DCBLD1: variants seen among roughly 807,000 people sequenced by gnomAD.
DCBLD1 encodes discoidin, CUB and LCCL domain-containing protein 1.
A neutral mutation model predicts 71.5 loss-of-function variants in DCBLD1; 57 were observed. The ratio of observed to expected loss-of-function variants is 0.80; its 90% confidence interval spans 0.64 to 0.99. The LOEUF is 0.99. DCBLD1 is among the 50% of genes least tolerant of loss of function. The probability of loss-of-function intolerance (pLI) is 0.00; values close to 1 mark genes in which losing one functional copy is unlikely to be tolerated. For missense variants in DCBLD1, 891 were observed against 923.5 expected, an observed-to-expected ratio of 0.96 and a Z score of 0.46; for synonymous variants, 380 against 363.8, an observed-to-expected ratio of 1.04 and a Z score of -0.51.
chr6:117,492,506 G>A (rs532621496), intron 1 of DCBLD1, among the ~76,000 whole-genome samples: 2 of 152,128 alleles, frequency 1.3e-5, no homozygotes, highest in Non-Finnish European at 2.9e-5. Context: ...AAGTCATAGG[G>A]GAACACAGTT....
downstream of DCBLD1, among the ~76,000 whole-genome samples, chr6:117,553,451 T>A (rs946582855): frequency 6.6e-6 from 1 of 152,120 alleles, no homozygotes; most frequent in Non-Finnish European, 1.5e-5. Context: ...TTCCTTTATC[T>A]TCTTCTTCCT....
At position 117,539,264 on chromosome 6, in the gene DCBLD1, C is replaced by T. The variant is rs1433663022; in HGVS notation, c.986C>T (p.Thr329Ile). 1 of 1,582,232 alleles carries T rather than the reference C, an allele frequency of 6.3e-7. No individual in the cohort carries two copies. The highest frequency in any genetic ancestry group is 1.2e-5 in the South Asian group (1 of 84,706). Residue 329 changes from threonine (T) to isoleucine (I), a missense_variant, in exon 9 of 15, where the codon ACC becomes ATC. By Grantham distance (89) the Thr-to-Ile change is moderately conservative. Coordinates refer to ENST00000338728, the MANE Select transcript of DCBLD1 (RefSeq NM_001366458.2). ...ATTATTTTCTTACAAGGAATTAGGA[C>T]CACAGGATCTACACAGTCGAACTTC... ...GEKKKITGIRTTGSTQSNFNF... is the reference protein window; with the variant it reads ...GEKKKITGIRITGSTQSNFNF...
At chr6:117,539,430 A>T in intron 9 of DCBLD1, 51 bp downstream of exon 9, 13 of 1,529,088 alleles carry the variant, frequency 8.5e-6, no homozygotes, top group Non-Finnish European at 1.0e-5. Flanking sequence ...ACAGGCCTCT[A>T]TATATTTTCA....
At chr6:117,504,129 AT>A in intron 2 of DCBLD1, 150 bp downstream of exon 2, 1 of 825,144 alleles carries the variant, frequency 1.2e-6, no homozygotes, top group Non-Finnish European at 1.9e-6. Context: ...AGAAGGATAC[AT>A]TTGCTTCATA....
At chr6:117,553,228 C>T (rs1164676586), downstream of DCBLD1, among the ~76,000 whole-genome samples, 1 of 152,192 alleles carries the variant, frequency 6.6e-6, no homozygotes, top group Non-Finnish European at 1.5e-5. Context: ...TCACACTCTC[C>T]CTTACTCTGA....
intron 6 of DCBLD1, among the ~76,000 whole-genome samples, chr6:117,532,817 G>A (rs367998405): frequency 1.3e-5 from 2 of 152,284 alleles, no homozygotes; most frequent in Middle Eastern, 3.4e-3. Context: ...TGATGAGTTT[G>A]GGAAGTGAAG....
downstream of DCBLD1, among the ~76,000 whole-genome samples, chr6:117,553,708 C>CA (rs1312747705): frequency 1.3e-5 from 2 of 152,144 alleles, no homozygotes; most frequent in African/African-American, 4.8e-5. Flanking sequence ...TGCATCCTTT[C>CA]AGGGGATTTT....
At chr6:117,563,834 A>C (rs1321958351) in intron 14 of DCBLD1, among the ~76,000 whole-genome samples, 1 of 152,152 alleles carries the variant, frequency 6.6e-6, no homozygotes, top group East Asian at 1.9e-4. Flanking sequence ...ATAATGCCTT[A>C]TATTAATCAA....
At chr6:117,569,083 A>G (rs1171873351) in intron 14 of DCBLD1, among the ~76,000 whole-genome samples, 2 of 152,184 alleles carry the variant, frequency 1.3e-5, no homozygotes, top group African/African-American at 4.8e-5. Flanking sequence ...AAATCCTTTC[A>G]TCGCTAAGAA....
chr6:117,563,444 A>ATTGC, intron 14 of DCBLD1: 1 of 1,541,892 alleles, frequency 6.5e-7, no homozygotes. Context: ...GGTTTTGGTC[A>ATTGC]GGTGCAGTGG....
chr6:117,524,390 G>C (rs746545912), intron 4 of DCBLD1, among the ~76,000 whole-genome samples: 2 of 152,014 alleles, frequency 1.3e-5, no homozygotes, highest in Non-Finnish European at 2.9e-5. Context: ...TTTTAGTAGA[G>C]ATGGGGTTTC....
chr6:117,548,579 AT>A lies in DCBLD1; in HGVS notation c.*141del. 6.9e-7 allele frequency: 1 copy of A among 1,456,860 alleles called. No individual in the cohort carries two copies. Among genetic ancestry groups the A allele is most frequent in the Non-Finnish European group, 9.0e-7 (1 of 1,109,730 alleles). 90.2% of individuals were successfully genotyped at this position (1,456,860 alleles called of 1,614,324 possible). Reference sequence around the variant, plus strand: ...GCATGTGTGTGTGTGATCCAGTAGGATCCTAGAGACAACCTGTCATACTGTT... The same window carrying A: ...GCATGTGTGTGTGTGATCCAGTAGGACCTAGAGACAACCTGTCATACTGTT... On this transcript the variant is annotated 3_prime_UTR_variant, in exon 15 of 15. Transcript: ENST00000338728.
intron 2 of DCBLD1, among the ~76,000 whole-genome samples, chr6:117,508,522 A>G (rs1404705393): frequency 6.6e-6 from 1 of 152,210 alleles, no homozygotes; most frequent in Non-Finnish European, 1.5e-5. Context: ...TTGCATTCAT[A>G]CTAAAGATAC....
chr6:117,552,567 T>C (rs1044821270), downstream of DCBLD1, among the ~76,000 whole-genome samples: 3 of 152,236 alleles, frequency 2.0e-5, no homozygotes, highest in African/African-American at 7.2e-5. Flanking sequence ...TTCTTTTTGC[T>C]GTGACACCTA....
intron 5 of DCBLD1, among the ~76,000 whole-genome samples, chr6:117,530,425 G>A (rs1048872849): frequency 5.3e-5 from 8 of 152,338 alleles, no homozygotes; most frequent in African/African-American, 1.9e-4. Flanking sequence ...ACCCCTGTGA[G>A]AATCTAATGC....
chr6:117,540,955 C>G lies in DCBLD1; in HGVS notation c.1287C>G (p.Ser429Arg). The change falls in exon 11 of 15, where the codon AGC becomes AGG. Residue 429 changes from serine to arginine, a missense_variant. Physicochemically the swap from Ser to Arg is moderately radical, Grantham distance 110. Coordinates refer to ENST00000338728, the MANE Select transcript of DCBLD1 (RefSeq NM_001366458.2). The part of the protein sequence containing the change: ...DSLVWRKTSQ[S>R]TSVSTKKEDE... ...TGGTGTGGCGCAAGACAAGTCAAAG[C>G]ACCAGTGTTTCAACTAAGAAAGAAG... The G allele has an allele frequency of 1.2e-6, 2 of 1,613,938 alleles. No individual in the cohort carries two copies. Among genetic ancestry groups the G allele is most frequent in the Non-Finnish European group, 1.7e-6 (2 of 1,180,036 alleles).
At position 117,482,732 on chromosome 6, in the gene DCBLD1, G is replaced by A. The variant is rs929956568; in HGVS notation, c.-50G>A. The stretch of plus-strand genomic sequence containing the variant: ...GCCCGGCCCGGGCAGCTGCGGCTCG[G>A]GATCCGTCGAGGGGAGGCCGAGCTT... On this transcript the variant is annotated 5_prime_UTR_variant, in exon 1 of 15. Transcript: ENST00000338728. The A allele has an allele frequency of 4.1e-5, 46 of 1,115,702 alleles. No individual in the cohort carries two copies. Among genetic ancestry groups the A allele is most frequent in the Non-Finnish European group, 4.8e-5 (44 of 914,344 alleles). The allele number at this position is 1,115,702 out of a possible 1,614,324, so 69.1% of individuals were successfully genotyped here. A position where few individuals can be genotyped will look rare whatever the true frequency, so the allele number is the denominator to read the frequency against.
At chr6:117,565,682 T>C (rs1005310672) in intron 14 of DCBLD1, among the ~76,000 whole-genome samples, 25 of 152,198 alleles carry the variant, frequency 1.6e-4, no homozygotes, top group Non-Finnish European at 3.5e-4. Flanking sequence ...GATCAACGTA[T>C]GTTTTACAAA....
intron 14 of DCBLD1, chr6:117,563,017 G>C: frequency 2.1e-6 from 1 of 478,206 alleles, no homozygotes. Context: ...ACATGCTTTG[G>C]TGCTTACAAG....
Sources: gnomAD v4.1 joint callset for allele counts (sites outside exome capture counted in the v4.1 genomes callset) on GRCh38, gnomAD v4.1.1 for gene constraint, MANE v1.5 for transcripts, NCBI Gene and HGNC (gene_info 2026-07-23, HGNC 2026-07-21) for gene names.